MED28: variants seen among roughly 807,000 people sequenced by gnomAD.
MED28 encodes mediator of RNA polymerase II transcription subunit 28.
Under a neutral mutation model 21.3 loss-of-function variants are expected in MED28, and 26 were observed. That is an observed-to-expected ratio of 1.22 (90% CI 0.89 to 1.69). The LOEUF (loss-of-function observed/expected upper bound fraction) is 1.69. Among genes scored for constraint, MED28 ranks in the 40% most tolerant of loss-of-function variants. The probability of loss-of-function intolerance (pLI) is 0.00; values close to 1 mark genes in which losing one functional copy is unlikely to be tolerated. For synonymous variants in MED28, 110 were observed against 87.6 expected (o/e 1.26, Z -1.43); for missense variants, 257 against 215.4 (o/e 1.19, Z -1.21).
At chr4:17,618,880 G>A (rs1714535430) in intron 1 of MED28, among the ~76,000 whole-genome samples, 2 of 152,194 alleles carry the variant, frequency 1.3e-5, no homozygotes, top group African/African-American at 4.8e-5. Flanking sequence ...TGGGCAATCT[G>A]TTTTTCTGAT....
Position 17,634,001 on chromosome 4 carries a change from C to T in MED28, c.*10203C>T, listed in dbSNP as rs562811677. The T allele has an allele frequency of 1.6e-5, 13 of 826,312 alleles. No homozygotes were observed. In the South Asian group the frequency reaches 3.1e-4, roughly 20 times the overall value. 51.2% of individuals were successfully genotyped at this position (826,312 alleles called of 1,614,324 possible). On this transcript the variant is annotated 3_prime_UTR_variant, in exon 4 of 4. Coordinates refer to ENST00000237380, the MANE Select transcript of MED28 (RefSeq NM_025205.5). Reference sequence around the variant, plus strand: ...CAAAATTGTATCGGAGAAGAAGCAACAATTTCATTTATACACTTACATGCT... The same window carrying T: ...CAAAATTGTATCGGAGAAGAAGCAATAATTTCATTTATACACTTACATGCT...
At chr4:17,620,628 C>T (rs868729911) in intron 2 of MED28, among the ~76,000 whole-genome samples, 12 of 148,784 alleles carry the variant, frequency 8.1e-5, no homozygotes, top group East Asian at 2.1e-4. Flanking sequence ...CCACCGTGCC[C>T]GGCCTTATAT....
Position 17,630,609 on chromosome 4 carries a change from G to C in MED28, c.*6811G>C, listed in dbSNP as rs552404264. On this transcript the variant is annotated 3_prime_UTR_variant, in exon 4 of 4. Coordinates refer to ENST00000237380, the MANE Select transcript of MED28 (RefSeq NM_025205.5). ...TGTTAGAGCAGCCTGAACGAACTAA[G>C]ACACTCTAAGCGGGAAACTCACAAA... The C allele has an allele frequency of 6.6e-6, 1 of 152,270 alleles. No individual in the cohort carries two copies. The highest frequency in any genetic ancestry group is 2.4e-5 in the African/African-American group (1 of 41,562). 9.4% of individuals were successfully genotyped at this position (152,270 alleles called of 1,614,324 possible).
At chr4:17,620,134 AT>A (rs1714574952) in intron 2 of MED28, 167 bp downstream of exon 2, 2 of 629,240 alleles carry the variant, frequency 3.2e-6, no homozygotes, top group South Asian at 3.8e-5. Flanking sequence ...GGTTCAGTTT[AT>A]TAATTGACAT....
intron 1 of MED28, among the ~76,000 whole-genome samples, chr4:17,616,746 C>G (rs1714465865): frequency 6.6e-6 from 1 of 152,150 alleles, no homozygotes; most frequent in Non-Finnish European, 1.5e-5. Flanking sequence ...TGTACCCCCA[C>G]CCCTCACATT....
Position 17,633,423 on chromosome 4 carries a change from C to A in MED28, c.*9625C>A, listed in dbSNP as rs1715024014. 2 of 328,082 alleles carry A rather than the reference C, an allele frequency of 6.1e-6. No individual in the cohort carries two copies. The highest frequency in any genetic ancestry group is 2.1e-5 in the African/African-American group (1 of 47,042). 20.3% of individuals were successfully genotyped at this position (328,082 alleles called of 1,614,324 possible). The stretch of plus-strand genomic sequence containing the variant: ...TTTTAAAGGCAAGGTATATGGAGAC[C>A]TGGAGAGGTCAAGTGACCTGTCCAA... On this transcript the variant is annotated 3_prime_UTR_variant, in exon 4 of 4. Transcript: ENST00000237380.
intron 1 of MED28, among the ~76,000 whole-genome samples, chr4:17,615,600 A>T (rs930781501): frequency 5.3e-5 from 8 of 152,100 alleles, no homozygotes; most frequent in Non-Finnish European, 5.9e-5. Context: ...TCATGAGGTC[A>T]GGAGTTCGAG....
chr4:17,621,489 G>T, intron 2 of MED28, 98 bp from the exon 3 acceptor site: 1 of 777,586 alleles, frequency 1.3e-6, no homozygotes, highest in Non-Finnish European at 2.0e-6. Context: ...TTGTCTATGA[G>T]AGGGCTTTGT....
Position 17,621,680 on chromosome 4 carries a change from C to G in MED28, c.320C>G (p.Pro107Arg). Residue 107 changes from proline to arginine, a missense_variant, in exon 3 of 4, where the codon CCA becomes CGA. By Grantham distance (103) the Pro-to-Arg change is moderately radical. Transcript: ENST00000237380. ...QKRLQLSVQK[P>R]EQVIKEDVSE... The stretch of plus-strand genomic sequence containing the variant: ...AGATTGCAGTTATCTGTCCAGAAAC[C>G]AGAGCAAGTTATCAAAGAGGTATGA... 1 of 1,609,896 alleles carries G rather than the reference C, an allele frequency of 6.2e-7. No homozygotes were observed.
rs1714936765 is a variant in MED28, at chr4:17,631,378, TG to T, written c.*7582del. On this transcript the variant is annotated 3_prime_UTR_variant, in exon 4 of 4. Coordinates refer to ENST00000237380, the MANE Select transcript of MED28 (RefSeq NM_025205.5). ...GGAGGTCTCGCTGTGTTGCCCAGGC[TG>T]GTCTCAAATTCCTGGCCTCAAGCTC... The T allele has an allele frequency of 6.6e-6, 1 of 152,342 alleles. No homozygotes were observed. Among genetic ancestry groups the T allele is most frequent in the Non-Finnish European group, 1.5e-5 (1 of 68,172 alleles). The allele number at this position is 152,342 out of a possible 1,614,324, so 9.4% of individuals were successfully genotyped here. A position where few individuals can be genotyped will look rare whatever the true frequency, so the allele number is the denominator to read the frequency against.
chr4:17,621,544 G>A (rs1044605134), intron 2 of MED28, 43 bp from the exon 3 acceptor site: 2 of 1,335,818 alleles, frequency 1.5e-6, no homozygotes, highest in Admixed American at 2.3e-5. Context: ...AAATGAGTCT[G>A]TTGTTTTTCT....
At position 17,625,552 on chromosome 4, in the gene MED28, T is replaced by G; in HGVS notation, c.*1754T>G. ...GAGAACTATCCTATTTGGTGCTTAG[T>G]GAAAAGATTTTGAATTACTGTACGT... On this transcript the variant is annotated 3_prime_UTR_variant, in exon 4 of 4. Transcript: ENST00000237380. The G allele has an allele frequency of 2.8e-6, 1 of 360,030 alleles. No homozygotes were observed. The highest frequency in any genetic ancestry group is 5.4e-6 in the Non-Finnish European group (1 of 185,762). 22.3% of individuals were successfully genotyped at this position (360,030 alleles called of 1,614,324 possible).
At chr4:17,618,013 C>CT (rs529883796) in intron 1 of MED28, among the ~76,000 whole-genome samples, 61,659 of 117,852 alleles carry the variant, frequency 0.52, 17,987 homozygotes, top group East Asian at 0.85. Flanking sequence ...CTTTTCTTTT[C>CT]TTTTTTTTTT....
In MED28 at chr4:17,621,367, CTTTT is replaced by C. The variant is rs965607198; in HGVS notation, c.227-212_227-209del. Among the ~76,000 whole-genome samples the C allele has an allele frequency of 4.8e-5, 7 of 146,414 alleles. No homozygotes were observed. The South Asian group carries it at 6.5e-4, about 14-fold the overall frequency. The stretch of plus-strand genomic sequence containing the variant: ...TTTTATGCTATATTAATATCTCTCT[CTTTT>C]TTTTTTTAACCTGAGAAAAGCATAA... On this transcript the variant is annotated intron_variant, in intron 2 of 3. Transcript: ENST00000237380.
chr4:17,617,872 C>T (rs1365802861), intron 1 of MED28, among the ~76,000 whole-genome samples: 2 of 151,948 alleles, frequency 1.3e-5, no homozygotes, highest in African/African-American at 4.8e-5. Context: ...GTGCCACTGA[C>T]TCTAGCCTGG....
In MED28 at chr4:17,614,693, A is replaced by C. The variant is rs1553824076; in HGVS notation, c.39A>C (p.Pro13=). 2 of 1,613,738 alleles carry C rather than the reference A, an allele frequency of 1.2e-6. No homozygotes were observed. The highest frequency in any genetic ancestry group is 1.7e-6 in the Non-Finnish European group (2 of 1,179,928). The change falls in exon 1 of 4, where the codon CCA becomes CCC. Residue 13 remains proline, a synonymous_variant. Coordinates refer to ENST00000237380, the MANE Select transcript of MED28 (RefSeq NM_025205.5). The part of the protein sequence containing the change: ...APLGGMFSGQ[P]PGPPQAPPGL... ...TAGGGGGTATGTTTTCTGGGCAGCCACCCGGTCCCCCTCAGGCCCCGCCGG... is the reference window on the plus strand; with the variant it reads ...TAGGGGGTATGTTTTCTGGGCAGCCCCCCGGTCCCCCTCAGGCCCCGCCGG...
chr4:17,628,598 T>G lies in MED28; in HGVS notation c.*4800T>G, dbSNP rs1304407746. 6.6e-6 allele frequency: 1 copy of G among 152,156 alleles called. No homozygotes were observed. The allele number at this position is 152,156 out of a possible 1,614,324, so 9.4% of individuals were successfully genotyped here. A position where few individuals can be genotyped will look rare whatever the true frequency, so the allele number is the denominator to read the frequency against. ...AAATACAGGCATTTCTGGTGGGCTT[T>G]GGCTGAAGGCATTCACACCCCCCAG... is the stretch of plus-strand genomic sequence containing the variant. On this transcript the variant is annotated 3_prime_UTR_variant, in exon 4 of 4. Coordinates refer to ENST00000237380, the MANE Select transcript of MED28 (RefSeq NM_025205.5).
At position 17,624,013 on chromosome 4, in the gene MED28, G is replaced by C; in HGVS notation, c.*215G>C. On this transcript the variant is annotated 3_prime_UTR_variant, in exon 4 of 4. Coordinates refer to ENST00000237380, the MANE Select transcript of MED28 (RefSeq NM_025205.5). ...TCTGTAGCTTGGATAAACCAAGTAAGTATTTTTTTTTTGTCTTTAGCAAAG... is the reference window on the plus strand; with the variant it reads ...TCTGTAGCTTGGATAAACCAAGTAACTATTTTTTTTTTGTCTTTAGCAAAG... 1 of 557,338 alleles carries C rather than the reference G, an allele frequency of 1.8e-6. No homozygotes were observed. The highest frequency in any genetic ancestry group is 3.3e-5 in the Admixed American group (1 of 30,612). The allele number at this position is 557,338 out of a possible 1,614,324, so 34.5% of individuals were successfully genotyped here. A position where few individuals can be genotyped will look rare whatever the true frequency, so the allele number is the denominator to read the frequency against.
chr4:17,623,936 A>G lies in MED28; in HGVS notation c.*138A>G. On this transcript the variant is annotated 3_prime_UTR_variant, in exon 4 of 4. Transcript: ENST00000237380. ...TTTTAGTTTTATGCTCCCATTGAAA[A>G]ATTTTCCACTATTTTTATAAGCTGT... 2.2e-6 allele frequency: 2 copies of G among 916,776 alleles called. No homozygotes were observed. Among genetic ancestry groups the G allele is most frequent in the Non-Finnish European group, 3.3e-6 (2 of 610,514 alleles). The allele number at this position is 916,776 out of a possible 1,614,324, so 56.8% of individuals were successfully genotyped here. A position where few individuals can be genotyped will look rare whatever the true frequency, so the allele number is the denominator to read the frequency against.
Sources: gnomAD v4.1 joint callset for allele counts (sites outside exome capture counted in the v4.1 genomes callset) on GRCh38, gnomAD v4.1.1 for gene constraint, MANE v1.5 for transcripts, NCBI Gene and HGNC (gene_info 2026-07-23, HGNC 2026-07-21) for gene names.